Variants in PDE4B observed in about 807,000 individuals in gnomAD.
PDE4B encodes the protein 3',5'-cyclic-AMP phosphodiesterase 4B.
In PDE4B, 20 loss-of-function variants were observed where a neutral mutation model predicts 82.2. The observed-to-expected ratio is 0.24, with a 90% CI of 0.17 to 0.35. The LOEUF (loss-of-function observed/expected upper bound fraction) is 0.35. Among genes scored for constraint, PDE4B ranks in the 10% least tolerant of loss-of-function variants. The probability of loss-of-function intolerance (pLI) is 1.00; values close to 1 mark genes in which losing one functional copy is unlikely to be tolerated. For missense variants in PDE4B, 655 were observed against 907.2 expected (o/e 0.72, Z 3.57); for synonymous variants, 320 against 318.9 (o/e 1.00, Z -0.04).
At chr1:66,332,947 T>C (rs1305325571) in intron 8 of PDE4B, among the ~76,000 whole-genome samples, 2 of 152,246 alleles carry the variant, frequency 1.3e-5, no homozygotes, top group Non-Finnish European at 2.9e-5. Flanking sequence ...AAAATTTTTT[T>C]ACAATTATCA....
At chr1:66,213,524 G>A (rs959966556) in intron 3 of PDE4B, among the ~76,000 whole-genome samples, 3 of 152,038 alleles carry the variant, frequency 2.0e-5, no homozygotes, top group African/African-American at 7.2e-5. Context: ...CTGCAAAATC[G>A]TAGGCTACAT....
chr1:66,274,309 C>T (rs182784410), intron 7 of PDE4B, among the ~76,000 whole-genome samples: 26 of 150,626 alleles, frequency 1.7e-4, no homozygotes, highest in African/African-American at 4.9e-4. Context: ...TACAGGTATG[C>T]GTCACAACAC....
At chr1:66,350,098 C>T (rs1661705914) in intron 8 of PDE4B, among the ~76,000 whole-genome samples, 1 of 151,974 alleles carries the variant, frequency 6.6e-6, no homozygotes, top group African/African-American at 2.4e-5. Context: ...GCACAGAATG[C>T]ACTGAAGGCA....
At chr1:66,342,345 C>T (rs552029616) in intron 8 of PDE4B, among the ~76,000 whole-genome samples, 8 of 151,910 alleles carry the variant, frequency 5.3e-5, no homozygotes, top group Admixed American at 2.0e-4. Flanking sequence ...AAGAAAATTT[C>T]GAATTCTTAA....
intron 1 of PDE4B, among the ~76,000 whole-genome samples, chr1:65,907,822 A>G (rs1275112136): frequency 2.0e-5 from 3 of 152,212 alleles, no homozygotes; most frequent in Admixed American, 6.6e-5. Flanking sequence ...ACATTTTCTC[A>G]TCTAAAAGGA....
At chr1:66,151,560 C>A (rs1332094297) in intron 3 of PDE4B, among the ~76,000 whole-genome samples, 1 of 152,166 alleles carries the variant, frequency 6.6e-6, no homozygotes, top group Non-Finnish European at 1.5e-5. Flanking sequence ...TCTTACTCCC[C>A]AGAATGAACT....
intron 3 of PDE4B, among the ~76,000 whole-genome samples, chr1:66,160,914 A>G (rs540291893): frequency 6.1e-4 from 93 of 152,350 alleles, no homozygotes; most frequent in Non-Finnish European, 1.0e-3. Flanking sequence ...CCCTCCAGCA[A>G]TAACTCTAGA....
intron 3 of PDE4B, among the ~76,000 whole-genome samples, chr1:66,063,667 C>G (rs1287338181): frequency 1.3e-5 from 2 of 151,902 alleles, no homozygotes; most frequent in East Asian, 3.9e-4. Context: ...ACTGTTGTAT[C>G]TTCTCTCAAG....
At chr1:66,159,872 A>C (rs1646576097) in intron 3 of PDE4B, among the ~76,000 whole-genome samples, 1 of 152,190 alleles carries the variant, frequency 6.6e-6, no homozygotes, top group Admixed American at 6.5e-5. Context: ...CAGCATTTTA[A>C]GTCTGTTATC....
chr1:66,128,595 ACTTCTT>A (rs139345469), intron 3 of PDE4B, among the ~76,000 whole-genome samples: 12 of 152,204 alleles, frequency 7.9e-5, no homozygotes, highest in African/African-American at 2.9e-4. Flanking sequence ...GTTGGACATA[ACTTCTT>A]CTTCTTAAGA....
At position 66,341,234 on chromosome 1, in the gene PDE4B, A is replaced by G. The variant is rs1004627155; in HGVS notation, c.747+8614A>G. ...AAATGAAAAGTAATTTTATTATGGC[A>G]TGACTTCTCCAAAGTCTTAAGGTGT... On this transcript the variant is annotated intron_variant, in intron 8 of 16. Coordinates refer to ENST00000341517, the MANE Select transcript of PDE4B (RefSeq NM_002600.4). Among the ~76,000 whole-genome samples the G allele has an allele frequency of 7.9e-5, 12 of 152,356 alleles. No homozygotes were observed. In the South Asian group the frequency reaches 8.3e-4, roughly 11 times the overall value.
At chr1:65,917,930 G>A (rs1201823015) in intron 2 of PDE4B, among the ~76,000 whole-genome samples, 3 of 152,170 alleles carry the variant, frequency 2.0e-5, no homozygotes, top group Non-Finnish European at 4.4e-5. Flanking sequence ...TTGGGAGGCC[G>A]GGACAGGCAG....
At chr1:66,164,659 C>A (rs1420152689) in intron 3 of PDE4B, among the ~76,000 whole-genome samples, 7 of 148,776 alleles carry the variant, frequency 4.7e-5, no homozygotes, top group African/African-American at 1.7e-4. Context: ...AGTCTAAGAA[C>A]TTAAATTCGA....
At chr1:65,989,778 A>C (rs1252077468) in intron 3 of PDE4B, among the ~76,000 whole-genome samples, 1 of 152,146 alleles carries the variant, frequency 6.6e-6, no homozygotes, top group Non-Finnish European at 1.5e-5. Context: ...TACTTTGCTG[A>C]AATATAGCAT....
intron 3 of PDE4B, among the ~76,000 whole-genome samples, chr1:66,169,581 C>G (rs1646800198): frequency 6.6e-6 from 1 of 152,132 alleles, no homozygotes; most frequent in Admixed American, 6.5e-5. Flanking sequence ...ACTGAATGAG[C>G]TAAACAACGC....
chr1:65,948,687 C>T (rs1342787558), intron 3 of PDE4B, among the ~76,000 whole-genome samples: 1 of 152,042 alleles, frequency 6.6e-6, no homozygotes, highest in African/African-American at 2.4e-5. Context: ...TCAAGTTGGA[C>T]TCAGTATTAA....
chr1:66,309,986 T>C (rs1324389007), intron 7 of PDE4B, among the ~76,000 whole-genome samples: 2 of 152,164 alleles, frequency 1.3e-5, no homozygotes. Context: ...TAAGGGAATT[T>C]TTCCAGGCTG....
intron 3 of PDE4B, among the ~76,000 whole-genome samples, chr1:66,164,390 G>T (rs1416565348): frequency 6.6e-6 from 1 of 151,682 alleles, no homozygotes; most frequent in Non-Finnish European, 1.5e-5. Context: ...CAAAAAAATA[G>T]CCCGGCGTGG....
intron 3 of PDE4B, among the ~76,000 whole-genome samples, chr1:66,187,272 A>C (rs934410684): frequency 1.1e-4 from 16 of 151,960 alleles, no homozygotes; most frequent in African/African-American, 3.1e-4. Context: ...AATGTTCATC[A>C]AGAATATTGG....
Sources: gnomAD v4.1 joint callset for allele counts (sites outside exome capture counted in the v4.1 genomes callset) on GRCh38, gnomAD v4.1.1 for gene constraint, MANE v1.5 for transcripts, NCBI Gene and HGNC (gene_info 2026-07-23, HGNC 2026-07-21) for gene names.